ACSS2: variants seen among roughly 807,000 people sequenced by gnomAD.
ACSS2 encodes the protein acyl-CoA synthetase short chain family member 2.
In ACSS2, 58 loss-of-function variants were observed where a neutral mutation model predicts 90.6. The observed-to-expected ratio is 0.64, with a 90% CI of 0.52 to 0.80. The LOEUF (loss-of-function observed/expected upper bound fraction) is 0.80. Ranked by LOEUF, ACSS2 falls within the 30% of genes least tolerant of loss-of-function variation. The pLI, the probability that ACSS2 is intolerant of heterozygous loss-of-function variation, is 0.00. For missense variants in ACSS2, 759 were observed against 912.0 expected (o/e 0.83, Z 2.16); for synonymous variants, 300 against 330.9 (o/e 0.91, Z 1.01).
chr20:34,894,612 C>T (rs768928485), intron 2 of ACSS2, among the ~76,000 whole-genome samples: 1 of 152,224 alleles, frequency 6.6e-6, no homozygotes, highest in South Asian at 2.1e-4. Flanking sequence ...CTGCAGTGAG[C>T]GGTGATCGTG....
At chr20:34,923,237 C>G (rs1441764667) in intron 13 of ACSS2, 86 bp from the exon 14 acceptor site, 3 of 1,012,624 alleles carry the variant, frequency 3.0e-6, no homozygotes, top group Non-Finnish European at 4.6e-6. Flanking sequence ...ATTCAGGACA[C>G]TTTCCCCCAC....
intron 2 of ACSS2, among the ~76,000 whole-genome samples, chr20:34,899,860 G>A (rs886895161): frequency 2.0e-5 from 3 of 152,228 alleles, no homozygotes; most frequent in Non-Finnish European, 2.9e-5. Flanking sequence ...CATGAATAAC[G>A]CTACTACAAA....
chr20:34,877,630 C>A (rs2079949593), intron 1 of ACSS2, among the ~76,000 whole-genome samples: 1 of 151,688 alleles, frequency 6.6e-6, no homozygotes, highest in African/African-American at 2.4e-5. Context: ...CCAGCCTGGC[C>A]AACATGGTGA....
chr20:34,892,619 T>TGACATAGATTGTTGTAAG (rs1242200637), intron 2 of ACSS2, among the ~76,000 whole-genome samples: 1 of 152,224 alleles, frequency 6.6e-6, no homozygotes, highest in Non-Finnish European at 1.5e-5. Flanking sequence ...ATAAGTCCTG[T>TGACATAGATTGTTGTAAG]GACATAGATT....
intron 14 of ACSS2, among the ~76,000 whole-genome samples, chr20:34,924,548 C>T (rs1202737591): frequency 1.3e-5 from 2 of 152,106 alleles, no homozygotes; most frequent in African/African-American, 4.8e-5. Context: ...TGGACTGAAG[C>T]CTGTGTGGCT....
At chr20:34,903,772 C>A (rs1357463272) in intron 2 of ACSS2, among the ~76,000 whole-genome samples, 1 of 150,936 alleles carries the variant, frequency 6.6e-6, no homozygotes, top group Non-Finnish European at 1.5e-5. Flanking sequence ...TGCAGTGGTG[C>A]ATGCCTGTAG....
intron 2 of ACSS2, among the ~76,000 whole-genome samples, chr20:34,903,570 C>A (rs147070782): frequency 6.6e-6 from 1 of 152,188 alleles, no homozygotes; most frequent in East Asian, 1.9e-4. Context: ...CTCTCATCTC[C>A]TCTCATAACA....
chr20:34,924,967 G>A (rs2081286419), intron 14 of ACSS2, among the ~76,000 whole-genome samples: 1 of 152,144 alleles, frequency 6.6e-6, no homozygotes, highest in South Asian at 2.1e-4. Flanking sequence ...TGGGATTACA[G>A]GCATGAGCCA....
chr20:34,877,255 C>G (rs1467636285), intron 1 of ACSS2, among the ~76,000 whole-genome samples: 1 of 152,098 alleles, frequency 6.6e-6, no homozygotes, highest in East Asian at 1.9e-4. Context: ...CCCTTTCACA[C>G]CAGCTCAGCC....
At chr20:34,891,697 T>C (rs2146996678) in intron 2 of ACSS2, among the ~76,000 whole-genome samples, 1 of 152,174 alleles carries the variant, frequency 6.6e-6, no homozygotes, top group East Asian at 1.9e-4. Context: ...GGTGAGCAGA[T>C]TGTGGAGGTG....
At chr20:34,923,717 A>G (rs1368113280) in intron 14 of ACSS2, among the ~76,000 whole-genome samples, 1 of 151,984 alleles carries the variant, frequency 6.6e-6, no homozygotes, top group Non-Finnish European at 1.5e-5. Flanking sequence ...GGGAGGAGAT[A>G]CCAGCCTCTT....
At position 34,926,922 on chromosome 20, in the gene ACSS2, A is replaced by G; in HGVS notation, c.1949A>G (p.Asn650Ser). 6.2e-7 allele frequency: 1 copy of G among 1,614,186 alleles called. No homozygotes were observed. The change falls in exon 17 of 18, where the codon AAT (asparagine) becomes AGT (serine). Residue 650 changes from asparagine (N) to serine (S), a missense_variant. Asn to Ser is a conservative substitution (Grantham distance 46). Coordinates refer to ENST00000360596, the MANE Select transcript of ACSS2 (RefSeq NM_018677.4). ...GPIATPDYIQ[N>S]APGLPKTRSG... Reference sequence around the variant, plus strand: ...ATTGCCACACCAGACTACATCCAGAATGCACCTGGCTTGCCTAAAACCCGC... The same window carrying G: ...ATTGCCACACCAGACTACATCCAGAGTGCACCTGGCTTGCCTAAAACCCGC...
At chr20:34,907,551 A>G (rs938393284) in intron 2 of ACSS2, among the ~76,000 whole-genome samples, 3 of 152,206 alleles carry the variant, frequency 2.0e-5, no homozygotes, top group African/African-American at 7.2e-5. Context: ...GTTTGTGCCT[A>G]TGTGTGCAGA....
chr20:34,922,092 A>G (rs2081216606), intron 13 of ACSS2: 1 of 1,095,968 alleles, frequency 9.1e-7, no homozygotes, highest in Non-Finnish European at 1.2e-6. Flanking sequence ...AGAGTTGCTC[A>G]GATTCCTGAT....
chr20:34,925,793 C>T (rs368792018), intron 15 of ACSS2, 27 bp downstream of exon 15: 1 of 1,604,616 alleles, frequency 6.2e-7, no homozygotes, highest in Non-Finnish European at 8.5e-7. Flanking sequence ...ACCTTCCCAT[C>T]TTATTAACTC....
At chr20:34,924,844 C>T (rs978283764) in intron 14 of ACSS2, among the ~76,000 whole-genome samples, 1 of 152,024 alleles carries the variant, frequency 6.6e-6, no homozygotes, top group African/African-American at 2.4e-5. Flanking sequence ...GGATTACAGG[C>T]GGGTGCCACC....
At chr20:34,906,334 CAAA>C (rs34277751) in intron 2 of ACSS2, among the ~76,000 whole-genome samples, 10 of 75,862 alleles carry the variant, frequency 1.3e-4, no homozygotes, top group Non-Finnish European at 1.1e-4. Flanking sequence ...GACTCCGTCT[CAAA>C]AAAAAAAAAA....
Position 34,927,193 on chromosome 20 carries a change from C to T in ACSS2, c.2085C>T (p.His695=). 6.2e-7 allele frequency: 1 copy of T among 1,613,994 alleles called. No homozygotes were observed. The highest frequency in any genetic ancestry group is 2.2e-5 in the East Asian group (1 of 44,882). ...DPSVISHLFS[H]RCLTIQ The stretch of plus-strand genomic sequence containing the variant: ...CTGTCATCAGTCACCTCTTCAGCCA[C>T]CGCTGCCTGACCATCCAGTGAACAT... The change falls in exon 18 of 18, where the codon CAC becomes CAT. Residue 695 remains histidine (H), a synonymous_variant. Coordinates refer to ENST00000360596, the MANE Select transcript of ACSS2 (RefSeq NM_018677.4). This position sits in a 1 kb window ranked among gnomAD's most constrained non-coding sequence, Gnocchi z 4.2.
At position 34,920,676 on chromosome 20, in the gene ACSS2, T is replaced by G. The variant is rs770159592; in HGVS notation, c.1110T>G (p.Tyr370Ter). The G allele has an allele frequency of 5.6e-6, 9 of 1,613,664 alleles. No individual in the cohort carries two copies. The highest frequency in any genetic ancestry group is 1.7e-6 in the Non-Finnish European group (2 of 1,179,816). The change falls in exon 9 of 18, where the codon TAT becomes TAG. Residue 370 changes from tyrosine to a stop codon, truncating the protein, a stop_gained. Transcript: ENST00000360596. LOFTEE classifies it high-confidence loss of function. ...GWITGHSYVT[Y>*]GPLANGATSV... is the part of the protein sequence containing the mutation. ...TCACTGGTCATTCCTACGTCACCTA[T>G]GGGCCACTGGCCAATGGTGCCACCA... is the stretch of plus-strand genomic sequence containing the variant.
Sources: gnomAD v4.1 joint callset for allele counts (sites outside exome capture counted in the v4.1 genomes callset) on GRCh38, gnomAD v4.1.1 for gene constraint, Gnocchi (gnomAD v3.1) non-coding constraint, MANE v1.5 for transcripts, NCBI Gene and HGNC (gene_info 2026-07-23, HGNC 2026-07-21) for gene names.